The following CDC42SE2 variants were observed in gnomAD, a reference collection of about 807,000 sequenced individuals.
CDC42SE2 encodes CDC42 small effector 2.
A neutral mutation model predicts 11.5 loss-of-function variants in CDC42SE2; 3 were observed. The observed-to-expected ratio is 0.26, with a 90% CI of 0.12 to 0.67. The LOEUF is 0.67. CDC42SE2 is among the 30% of genes least tolerant of loss of function. CDC42SE2 has a pLI of 0.80. For missense variants in CDC42SE2, 82 were observed against 106.8 expected, an observed-to-expected ratio of 0.77 and a Z score of 1.02; for synonymous variants, 33 against 34.8, an observed-to-expected ratio of 0.95 and a Z score of 0.18.
At chr5:131,345,972 C>A (rs1000130361) in intron 2 of CDC42SE2, among the ~76,000 whole-genome samples, 2 of 152,158 alleles carry the variant, frequency 1.3e-5, no homozygotes, top group East Asian at 3.8e-4. Context: ...CACCACCAGG[C>A]CTCCCTTACA....
intron 3 of CDC42SE2, among the ~76,000 whole-genome samples, chr5:131,375,018 A>C (rs1000312857): frequency 1.2e-4 from 18 of 148,232 alleles, no homozygotes; most frequent in African/African-American, 4.5e-4. Flanking sequence ...AGTTCAGATT[A>C]GTTTCTCCCC....
chr5:131,301,394 A>C (rs540888295), intron 1 of CDC42SE2, among the ~76,000 whole-genome samples: 42 of 152,166 alleles, frequency 2.8e-4, no homozygotes, highest in Non-Finnish European at 4.9e-4. Context: ...AATTACCCCG[A>C]CCACTATACA....
At chr5:131,210,139 T>C in the CDC42SE2 span, among the ~76,000 whole-genome samples, 828 of 152,354 alleles carry the variant, frequency 5.4e-3, 7 homozygotes, top group African/African-American at 0.02. Context: ...GATGCTGGTG[T>C]CATGCTTGCA....
chr5:131,370,340 T>C (rs1749982608), intron 3 of CDC42SE2, among the ~76,000 whole-genome samples: 1 of 152,160 alleles, frequency 6.6e-6, no homozygotes, highest in Non-Finnish European at 1.5e-5. Context: ...CAAATGAGCA[T>C]CAATTATTTT....
At chr5:131,237,846 C>A in the CDC42SE2 span, among the ~76,000 whole-genome samples, 1 of 152,166 alleles carries the variant, frequency 6.6e-6, no homozygotes, top group Admixed American at 6.5e-5. Flanking sequence ...CCTGCCTTGG[C>A]CCCCCAAAGC....
At position 131,272,711 on chromosome 5, in the gene CDC42SE2, C is replaced by T. The variant is rs184484981; in HGVS notation, c.-455+8545C>T. Among the ~76,000 whole-genome samples the T allele has an allele frequency of 2.1e-4, 32 of 152,286 alleles. No homozygotes were observed. The East Asian group carries it at 5.6e-3, about 27-fold the overall frequency. Reference sequence around the variant, plus strand: ...CTTTAAAAAAACACCTTTCCAAATGCCACATCTTCCTTTAGTTACTCCTCT... The same window carrying T: ...CTTTAAAAAAACACCTTTCCAAATGTCACATCTTCCTTTAGTTACTCCTCT... On this transcript the variant is annotated intron_variant, in intron 1 of 4. Transcript: ENST00000505065.
rs1410576157 is a variant in CDC42SE2, at chr5:131,390,876, A to AAAG, written c.157-116_157-114dup. 3 of 570,082 alleles carry AAAG rather than the reference A, an allele frequency of 5.3e-6. 1 individual carries two copies. In the African/African-American group the frequency reaches 5.8e-5, roughly 11 times the overall value. The allele number at this position is 570,082 out of a possible 1,614,324, so 35.3% of individuals were successfully genotyped here. ...GTCTATAAAAAAATTTTTGTCTATA[A>AAAG]AAGTACCCTTCTGAAAAAAGCAGCC... On this transcript the variant is annotated intron_variant, in intron 4 of 4. Coordinates refer to ENST00000505065, the MANE Select transcript of CDC42SE2 (RefSeq NM_001375635.1).
intron 1 of CDC42SE2, among the ~76,000 whole-genome samples, chr5:131,306,335 C>T (rs1259895950): frequency 6.6e-6 from 1 of 152,124 alleles, no homozygotes; most frequent in East Asian, 1.9e-4. Context: ...TAAGGGGAGA[C>T]TGCTGTATTG....
At chr5:131,241,045 C>G (rs181189812), upstream of CDC42SE2, among the ~76,000 whole-genome samples, 2,785 of 152,240 alleles carry the variant, frequency 0.018, 44 homozygotes, top group Middle Eastern at 0.082. Flanking sequence ...GTGGCGCGAT[C>G]TCGGCTCACT....
chr5:131,349,539 C>T (rs532672789), intron 2 of CDC42SE2, among the ~76,000 whole-genome samples: 5 of 152,230 alleles, frequency 3.3e-5, no homozygotes, highest in South Asian at 2.1e-4. Flanking sequence ...TTAAACTTTT[C>T]GAGAATCAAC....
At chr5:131,239,643 G>C in the CDC42SE2 span, among the ~76,000 whole-genome samples, 1 of 152,130 alleles carries the variant, frequency 6.6e-6, no homozygotes, top group Non-Finnish European at 1.5e-5. Context: ...CAACCTTATA[G>C]AGCAGTTTTG....
the CDC42SE2 span, among the ~76,000 whole-genome samples, chr5:131,232,549 A>G: frequency 6.6e-6 from 1 of 151,954 alleles, no homozygotes; most frequent in Non-Finnish European, 1.5e-5. Context: ...CCTGACCAAC[A>G]TGATGAAACC....
the CDC42SE2 span, among the ~76,000 whole-genome samples, chr5:131,232,666 G>T: frequency 4.0e-5 from 6 of 149,784 alleles, no homozygotes; most frequent in Non-Finnish European, 8.9e-5. Flanking sequence ...CACAGGAGGC[G>T]GAGGTTGCAG....
chr5:131,372,052 A>G lies in CDC42SE2; in HGVS notation c.54+12505A>G, dbSNP rs145860504. 4.1e-3 allele frequency among the ~76,000 whole-genome samples: 631 copies of G among 152,200 alleles called. 4 individuals carry two copies. The highest frequency in any genetic ancestry group is 0.013 in the African/African-American group (546 of 41,534). ...GGTTTTATTTGTTCTTGCAGTGTCT[A>G]CCTGGGTAACAGTTGGGTGATGTCT... On this transcript the variant is annotated intron_variant, in intron 3 of 4. Transcript: ENST00000505065.
chr5:131,330,381 G>A (rs1004562617), intron 2 of CDC42SE2, among the ~76,000 whole-genome samples: 1 of 152,156 alleles, frequency 6.6e-6, no homozygotes, highest in African/African-American at 2.4e-5. Context: ...AAGGTTATTA[G>A]AGTTTTTTTT....
At chr5:131,367,041 TTATATA>T (rs942819548) in intron 3 of CDC42SE2, among the ~76,000 whole-genome samples, 1 of 150,698 alleles carries the variant, frequency 6.6e-6, no homozygotes, top group South Asian at 2.1e-4. Flanking sequence ...AACAAATTTT[TTATATA>T]TATATATAAT....
At chr5:131,371,309 A>G (rs1401168296) in intron 3 of CDC42SE2, among the ~76,000 whole-genome samples, 1 of 152,050 alleles carries the variant, frequency 6.6e-6, no homozygotes, top group Non-Finnish European at 1.5e-5. Context: ...CTCATGCAAG[A>G]CAAATTCTAG....
intron 1 of CDC42SE2, among the ~76,000 whole-genome samples, chr5:131,290,977 T>A (rs548428757): frequency 6.6e-6 from 1 of 152,232 alleles, no homozygotes; most frequent in East Asian, 1.9e-4. Flanking sequence ...AGGAAAACCT[T>A]AAAAATACTA....
rs549026060 is a variant in CDC42SE2, at chr5:131,360,421, C to T, written c.54+874C>T. Among the ~76,000 whole-genome samples the T allele has an allele frequency of 3.9e-5, 6 of 151,974 alleles. No homozygotes were observed. In the South Asian group the frequency reaches 1.3e-3, roughly 32 times the overall value. ...AGGCGTGAGCCACTGCACCTGGCCTCCTTTTCATTTTTTAAGGTGCCTAAA... is the reference window on the plus strand; with the variant it reads ...AGGCGTGAGCCACTGCACCTGGCCTTCTTTTCATTTTTTAAGGTGCCTAAA... On this transcript the variant is annotated intron_variant, in intron 3 of 4. Coordinates refer to ENST00000505065, the MANE Select transcript of CDC42SE2 (RefSeq NM_001375635.1).
Sources: allele counts gnomAD v4.1 joint callset (sites outside exome capture counted in the v4.1 genomes callset), GRCh38; gene constraint gnomAD v4.1.1; transcripts MANE v1.5; gene names NCBI Gene and HGNC (gene_info 2026-07-23, HGNC 2026-07-21).